Variants in PTPRD observed in about 807,000 individuals in gnomAD.
PTPRD encodes the protein receptor-type tyrosine-protein phosphatase delta.
Under a neutral mutation model 214.5 loss-of-function variants are expected in PTPRD, and 34 were observed. That is an observed-to-expected ratio of 0.16 (90% confidence interval 0.12 to 0.21). The LOEUF (loss-of-function observed/expected upper bound fraction) is 0.21, where lower values mean the gene tolerates loss of function less well. Ranked by LOEUF, PTPRD falls within the 10% of genes least tolerant of loss-of-function variation. The probability of loss-of-function intolerance (pLI) is 1.00; values close to 1 mark genes in which losing one functional copy is unlikely to be tolerated. For synonymous variants in PTPRD, 1,128 were observed against 845.7 expected (o/e 1.33, Z -5.79); for missense variants, 2,545 against 2,398.7 (o/e 1.06, Z -1.27).
At chr9:9,979,620 A>G (rs1166957356) in intron 4 of PTPRD, among the ~76,000 whole-genome samples, 5 of 152,206 alleles carry the variant, frequency 3.3e-5, no homozygotes, top group Non-Finnish European at 7.4e-5. Flanking sequence ...AGCAATCACC[A>G]TAAGAATTTT....
intron 12 of PTPRD, among the ~76,000 whole-genome samples, chr9:8,674,613 T>C (rs1481205163): frequency 6.6e-6 from 1 of 152,184 alleles, no homozygotes; most frequent in East Asian, 1.9e-4. Flanking sequence ...GCACTAGCTG[T>C]GATTTAAGAC....
intron 10 of PTPRD, among the ~76,000 whole-genome samples, chr9:9,130,932 C>T (rs540072062): frequency 6.6e-5 from 10 of 152,126 alleles, no homozygotes; most frequent in Admixed American, 5.9e-4. Flanking sequence ...TATGACGAAC[C>T]CTTTAGTAAA....
intron 11 of PTPRD, among the ~76,000 whole-genome samples, chr9:9,005,425 T>C (rs909030096): frequency 6.6e-6 from 1 of 152,056 alleles, no homozygotes; most frequent in African/African-American, 2.4e-5. Flanking sequence ...TAATGATAAT[T>C]AATTTATAAT....
intron 8 of PTPRD, among the ~76,000 whole-genome samples, chr9:9,538,313 G>T (rs1402852709): frequency 2.6e-5 from 4 of 151,784 alleles, no homozygotes; most frequent in African/African-American, 9.7e-5. Context: ...ATTTTCAAAG[G>T]AGTATTTCCC....
At chr9:8,766,822 T>C (rs2094789492) in intron 11 of PTPRD, among the ~76,000 whole-genome samples, 1 of 152,202 alleles carries the variant, frequency 6.6e-6, no homozygotes, top group African/African-American at 2.4e-5. Context: ...AGTGTTTATT[T>C]AGAAGTTTCG....
At chr9:10,155,687 C>T (rs771036382) in intron 3 of PTPRD, among the ~76,000 whole-genome samples, 3 of 152,088 alleles carry the variant, frequency 2.0e-5, no homozygotes. Context: ...GCTTCCTCTC[C>T]ATCTATTGAG....
chr9:8,879,270 G>A (rs1307999236), intron 11 of PTPRD, among the ~76,000 whole-genome samples: 1 of 152,112 alleles, frequency 6.6e-6, no homozygotes, highest in African/African-American at 2.4e-5. Context: ...CATTGTTCCT[G>A]TTATCCTGGT....
intron 8 of PTPRD, among the ~76,000 whole-genome samples, chr9:9,527,394 T>C (rs2074370646): frequency 6.6e-6 from 1 of 152,212 alleles, no homozygotes; most frequent in Non-Finnish European, 1.5e-5. Flanking sequence ...GCGTGGGCAC[T>C]TGTTGTGGCA....
intron 3 of PTPRD, among the ~76,000 whole-genome samples, chr9:10,173,681 A>G (rs567690322): frequency 1.3e-5 from 2 of 151,978 alleles, no homozygotes; most frequent in Non-Finnish European, 2.9e-5. Context: ...TCTCACACCT[A>G]AGGATAAACA....
chr9:10,565,388 A>G (rs111427142), intron 2 of PTPRD, among the ~76,000 whole-genome samples: 6 of 152,198 alleles, frequency 3.9e-5, no homozygotes, highest in African/African-American at 1.4e-4. Context: ...GTATAATTGA[A>G]CAATTATTTT....
In PTPRD at chr9:10,232,914, G is replaced by T. The variant is rs1594910121; in HGVS notation, c.-545+108049C>A. Among the ~76,000 whole-genome samples the T allele has an allele frequency of 2.6e-5, 4 of 151,822 alleles. No individual in the cohort carries two copies. The East Asian group carries it at 7.8e-4, about 30-fold the overall frequency. ...TTGAAAGAACAAAAATGGAAACAAAGATTTTAAACATTCCATTCTTCCTCA... is the reference window on the plus strand; with the variant it reads ...TTGAAAGAACAAAAATGGAAACAAATATTTTAAACATTCCATTCTTCCTCA... On this transcript the variant is annotated intron_variant, in intron 3 of 45. Coordinates refer to ENST00000381196, the MANE Select transcript of PTPRD (RefSeq NM_002839.4).
intron 10 of PTPRD, among the ~76,000 whole-genome samples, chr9:9,174,229 C>G (rs1216184317): frequency 3.3e-5 from 5 of 152,050 alleles, no homozygotes; most frequent in Non-Finnish European, 5.9e-5. Flanking sequence ...TCATGAACTC[C>G]TTGAGGGCAG....
intron 14 of PTPRD, among the ~76,000 whole-genome samples, chr9:8,616,539 T>C (rs2095617513): frequency 6.6e-6 from 1 of 152,120 alleles, no homozygotes; most frequent in Non-Finnish European, 1.5e-5. Flanking sequence ...ATGATAACCA[T>C]AGATTAGATA....
At chr9:9,261,308 C>T (rs2099980014) in intron 9 of PTPRD, among the ~76,000 whole-genome samples, 1 of 151,768 alleles carries the variant, frequency 6.6e-6, no homozygotes, top group Non-Finnish European at 1.5e-5. Flanking sequence ...TATGGGACCA[C>T]ACGTTAAAAT....
chr9:10,030,254 G>A (rs865851732), intron 4 of PTPRD, among the ~76,000 whole-genome samples: 1 of 152,152 alleles, frequency 6.6e-6, no homozygotes. Flanking sequence ...TAGGTGAGAA[G>A]GTGAGAAAGG....
intron 7 of PTPRD, among the ~76,000 whole-genome samples, chr9:9,687,646 AG>A (rs1275336031): frequency 1.3e-5 from 2 of 151,778 alleles, no homozygotes; most frequent in Non-Finnish European, 2.9e-5. Flanking sequence ...GAAAAAAAAA[AG>A]ATTATGCAAT....
At chr9:9,095,243 T>C (rs1163129348) in intron 10 of PTPRD, among the ~76,000 whole-genome samples, 2 of 152,064 alleles carry the variant, frequency 1.3e-5, no homozygotes, top group African/African-American at 4.8e-5. Flanking sequence ...ATACTGCAAG[T>C]CTTAGCTTGT....
At chr9:9,522,676 A>C (rs1036098415) in intron 8 of PTPRD, among the ~76,000 whole-genome samples, 1 of 152,126 alleles carries the variant, frequency 6.6e-6, no homozygotes. Flanking sequence ...TAATCATAAT[A>C]AAAAAGAAAA....
intron 2 of PTPRD, among the ~76,000 whole-genome samples, chr9:10,360,975 G>A (rs968822128): frequency 1.3e-5 from 2 of 151,838 alleles, no homozygotes; most frequent in Non-Finnish European, 2.9e-5. Flanking sequence ...GGTGCCGGGC[G>A]CCTGTAGTCC....
Sources: gnomAD v4.1 joint callset for allele counts (sites outside exome capture counted in the v4.1 genomes callset) on GRCh38, gnomAD v4.1.1 for gene constraint, MANE v1.5 for transcripts, NCBI Gene and HGNC (gene_info 2026-07-23, HGNC 2026-07-21) for gene names.